Variants in NKAIN2 observed in about 807,000 individuals in gnomAD.
NKAIN2 encodes the protein sodium/potassium-transporting ATPase subunit beta-1-interacting protein 2.
Under a neutral mutation model 32.6 loss-of-function variants are expected in NKAIN2, and 14 were observed. The ratio of observed to expected loss-of-function variants is 0.43; its 90% CI spans 0.28 to 0.67. NKAIN2 has a LOEUF of 0.67. NKAIN2 is among the 30% of genes least tolerant of loss of function. NKAIN2 has a pLI of 0.17. For synonymous variants in NKAIN2, 80 were observed against 87.2 expected (o/e 0.92, Z 0.46); for missense variants, 198 against 258.3 (o/e 0.77, Z 1.60).
At position 124,318,264 on chromosome 6, in the gene NKAIN2, T is replaced by C. The variant is rs552168278; in HGVS notation, c.192+35122T>C. 1.4e-3 allele frequency among the ~76,000 whole-genome samples: 213 copies of C among 152,206 alleles called. 3 individuals carry two copies. The South Asian group carries it at 0.02, about 15-fold the overall frequency. ...ATTTTAGTCTCATTATGGGTTTAAT[T>C]AGGTCTTCTAATTTTGAAATTTTGT... On this transcript the variant is annotated intron_variant, in intron 2 of 6. Transcript: ENST00000368417.
intron 1 of NKAIN2, among the ~76,000 whole-genome samples, chr6:124,039,179 A>T (rs6915070): frequency 0.061 from 9,330 of 152,104 alleles, 977 homozygotes; most frequent in African/African-American, 0.21. Context: ...TAAAATTTTT[A>T]AAAATAAGAA....
At chr6:123,942,751 G>T (rs1325845657) in intron 1 of NKAIN2, among the ~76,000 whole-genome samples, 1 of 151,930 alleles carries the variant, frequency 6.6e-6, no homozygotes, top group Non-Finnish European at 1.5e-5. Flanking sequence ...TGGAAGACTG[G>T]CTTCTTAAAC....
Position 124,355,266 on chromosome 6 carries a change from G to A in NKAIN2, c.193-1G>A. On this transcript the variant is annotated splice_acceptor_variant, in intron 2 of 6. Coordinates refer to ENST00000368417, the MANE Select transcript of NKAIN2 (RefSeq NM_001040214.3). LOFTEE classifies it high-confidence loss of function. Reference sequence around the variant, plus strand: ...GTTATTTCTCTCTTGCTTCTCTACAGTATGCTGTCTGGCTAGTCCTCTGGG... The same window carrying A: ...GTTATTTCTCTCTTGCTTCTCTACAATATGCTGTCTGGCTAGTCCTCTGGG... 1 of 1,588,590 alleles carries A rather than the reference G, an allele frequency of 6.3e-7. No homozygotes were observed. Among genetic ancestry groups the A allele is most frequent in the Non-Finnish European group, 8.6e-7 (1 of 1,157,082 alleles).
chr6:124,331,762 T>A (rs1305663381), intron 2 of NKAIN2, among the ~76,000 whole-genome samples: 1 of 152,130 alleles, frequency 6.6e-6, no homozygotes, highest in Non-Finnish European at 1.5e-5. Context: ...ACATAGAAAT[T>A]CAATCCAAAA....
intron 4 of NKAIN2, among the ~76,000 whole-genome samples, chr6:124,677,016 T>A (rs1773392877): frequency 6.6e-6 from 1 of 152,050 alleles, no homozygotes; most frequent in African/African-American, 2.4e-5. Context: ...TCGCCCAGAC[T>A]GGAGTCCAGT....
chr6:124,369,488 G>A (rs1799661106), intron 3 of NKAIN2, among the ~76,000 whole-genome samples: 1 of 152,068 alleles, frequency 6.6e-6, no homozygotes, highest in African/African-American at 2.4e-5. Context: ...GGCTTTGAGT[G>A]TGGCCCAACA....
chr6:124,820,255 G>T (rs1379889242), intron 6 of NKAIN2, among the ~76,000 whole-genome samples: 2 of 152,044 alleles, frequency 1.3e-5, no homozygotes, highest in Admixed American at 6.5e-5. Flanking sequence ...AGGCAATCAG[G>T]ACTAGTGGTT....
At chr6:124,117,313 A>G (rs752306800) in intron 1 of NKAIN2, among the ~76,000 whole-genome samples, 1 of 152,188 alleles carries the variant, frequency 6.6e-6, no homozygotes, top group African/African-American at 2.4e-5. Context: ...AGGTAAAGCC[A>G]TCCTTCCTAA....
chr6:124,260,918 T>G (rs1428314438), intron 1 of NKAIN2, among the ~76,000 whole-genome samples: 2 of 152,210 alleles, frequency 1.3e-5, no homozygotes, highest in African/African-American at 4.8e-5. Context: ...TGTACTTACA[T>G]CCACTCAACA....
rs1409300642 is a variant in NKAIN2 at position 124,723,772 on chromosome 6, A to G, written c.474+65386A>G. On this transcript the variant is annotated intron_variant, in intron 4 of 6. Coordinates refer to ENST00000368417, the MANE Select transcript of NKAIN2 (RefSeq NM_001040214.3). ...TAGCTTATGCCAAAGAATTTTTAAA[A>G]TTTTAAACTACTTGTGCTGATTTTG... Among the ~76,000 whole-genome samples the G allele has an allele frequency of 2.0e-5, 3 of 152,224 alleles. No homozygotes were observed. In the East Asian group the frequency reaches 5.8e-4, roughly 29 times the overall value.
intron 1 of NKAIN2, among the ~76,000 whole-genome samples, chr6:123,988,148 ATATAGAAAAAAAG>A (rs142959582): frequency 1.3e-5 from 2 of 152,314 alleles, no homozygotes; most frequent in Non-Finnish European, 2.9e-5. Context: ...CCTACAGGAA[ATATAGAAAAAAAG>A]TATAGAAAGA....
intron 2 of NKAIN2, among the ~76,000 whole-genome samples, chr6:124,339,503 T>G (rs535433382): frequency 6.6e-6 from 1 of 152,284 alleles, no homozygotes; most frequent in African/African-American, 2.4e-5. Flanking sequence ...GCTGTGGGAT[T>G]ACCTGGTTTG....
At chr6:124,462,574 A>G (rs1224559266) in intron 3 of NKAIN2, among the ~76,000 whole-genome samples, 1 of 152,042 alleles carries the variant, frequency 6.6e-6, no homozygotes, top group African/African-American at 2.4e-5. Context: ...TGCCATTTTT[A>G]TATATCTCAG....
At chr6:123,981,032 G>A (rs1364021332) in intron 1 of NKAIN2, among the ~76,000 whole-genome samples, 1 of 151,986 alleles carries the variant, frequency 6.6e-6, no homozygotes, top group Non-Finnish European at 1.5e-5. Context: ...ACCATGCCCG[G>A]CTATTTTTTG....
chr6:124,196,494 G>A (rs1582829800), intron 1 of NKAIN2, among the ~76,000 whole-genome samples: 1 of 152,090 alleles, frequency 6.6e-6, no homozygotes, highest in South Asian at 2.1e-4. Flanking sequence ...GGTTTTAATT[G>A]TGAGCCTGAG....
At chr6:124,027,500 T>C (rs1291029829) in intron 1 of NKAIN2, among the ~76,000 whole-genome samples, 1 of 152,158 alleles carries the variant, frequency 6.6e-6, no homozygotes, top group Non-Finnish European at 1.5e-5. Context: ...CTTAGCCCTT[T>C]CTCTGATGTT....
chr6:123,954,840 G>A (rs1369225125), intron 1 of NKAIN2, among the ~76,000 whole-genome samples: 4 of 151,990 alleles, frequency 2.6e-5, no homozygotes, highest in Non-Finnish European at 5.9e-5. Flanking sequence ...GTACCTAGGG[G>A]GTCACCTTTC....
At chr6:124,400,437 G>C (rs1244167497) in intron 3 of NKAIN2, among the ~76,000 whole-genome samples, 1 of 152,038 alleles carries the variant, frequency 6.6e-6, no homozygotes, top group Non-Finnish European at 1.5e-5. Context: ...AAAGGAACTG[G>C]ATTCTATCTA....
chr6:124,560,489 G>A (rs1164154305), intron 3 of NKAIN2, among the ~76,000 whole-genome samples: 1 of 152,182 alleles, frequency 6.6e-6, no homozygotes, highest in Admixed American at 6.5e-5. Flanking sequence ...ATAATTAAAA[G>A]CATGTAATCT....
Sources: allele counts gnomAD v4.1 joint callset (sites outside exome capture counted in the v4.1 genomes callset), GRCh38; gene constraint gnomAD v4.1.1; transcripts MANE v1.5; gene names NCBI Gene and HGNC (gene_info 2026-07-23, HGNC 2026-07-21).